Variants in GPC6 observed in about 807,000 individuals in gnomAD.
The protein encoded by GPC6 is glypican 6, also known as glypican-6.
GPC6 carries 14 observed loss-of-function variants against 55.2 expected under a neutral mutation model. The observed-to-expected ratio is 0.25, with a 90% CI of 0.17 to 0.40. The LOEUF is 0.40. Ranked by LOEUF, GPC6 falls within the 10% of genes least tolerant of loss-of-function variation. The pLI, the probability that GPC6 is intolerant of heterozygous loss-of-function variation, is 1.00. For synonymous variants in GPC6, 278 were observed against 259.6 expected, an observed-to-expected ratio of 1.07 and a Z score of -0.68; for missense variants, 641 against 708.5, an observed-to-expected ratio of 0.90 and a Z score of 1.08.
intron 4 of GPC6, among the ~76,000 whole-genome samples, chr13:94,212,736 C>T (rs1295741128): frequency 2.6e-5 from 4 of 152,188 alleles, no homozygotes; most frequent in Non-Finnish European, 5.9e-5. Flanking sequence ...TTTGAGGAAA[C>T]ATGTGCTGAT....
intron 4 of GPC6, among the ~76,000 whole-genome samples, chr13:94,274,940 T>C (rs1380935415): frequency 6.6e-6 from 1 of 152,196 alleles, no homozygotes; most frequent in Non-Finnish European, 1.5e-5. Context: ...GGGCCATTTA[T>C]CCTGTAGACC....
intron 4 of GPC6, among the ~76,000 whole-genome samples, chr13:94,067,717 T>C (rs1884579661): frequency 6.6e-6 from 1 of 152,068 alleles, no homozygotes; most frequent in African/African-American, 2.4e-5. Context: ...ATGAAGCAAA[T>C]AATATGTGTG....
chr13:93,258,887 C>T (rs1877042160), intron 1 of GPC6, among the ~76,000 whole-genome samples: 1 of 152,078 alleles, frequency 6.6e-6, no homozygotes, highest in Non-Finnish European at 1.5e-5. Flanking sequence ...AAGTTTGAGG[C>T]TTCAGGGAGC....
rs571687735 is a variant in GPC6, at chr13:93,269,204, G to A, written c.160+41588G>A. ...TTATTTTCAGAGTGATTATGTACTCGATGAAAAGTTTGGAGGCATGTCACA... is the reference window on the plus strand; with the variant it reads ...TTATTTTCAGAGTGATTATGTACTCAATGAAAAGTTTGGAGGCATGTCACA... On this transcript the variant is annotated intron_variant, in intron 1 of 8. Transcript: ENST00000377047. 8.5e-5 allele frequency among the ~76,000 whole-genome samples: 13 copies of A among 152,206 alleles called. 1 individual carries two copies. Among genetic ancestry groups the A allele is most frequent in the African/African-American group, 2.9e-4 (12 of 41,530 alleles).
At chr13:93,719,917 A>C (rs1274533390) in intron 2 of GPC6, among the ~76,000 whole-genome samples, 2 of 152,196 alleles carry the variant, frequency 1.3e-5, no homozygotes, top group South Asian at 4.1e-4. Flanking sequence ...CCAGCCTTGC[A>C]TCCCAGGGAT....
intron 3 of GPC6, among the ~76,000 whole-genome samples, chr13:93,888,397 G>C (rs557533628): frequency 6.6e-6 from 1 of 152,198 alleles, no homozygotes; most frequent in East Asian, 1.9e-4. Flanking sequence ...GATGCCTCTT[G>C]GCATATCTCT....
chr13:93,752,096 A>C (rs1485588066), intron 2 of GPC6, among the ~76,000 whole-genome samples: 1 of 152,146 alleles, frequency 6.6e-6, no homozygotes, highest in Non-Finnish European at 1.5e-5. Flanking sequence ...TCTGATTGTA[A>C]TGTTGTGATT....
chr13:93,656,117 A>G (rs1352832789), intron 2 of GPC6, among the ~76,000 whole-genome samples: 1 of 152,208 alleles, frequency 6.6e-6, no homozygotes, highest in Non-Finnish European at 1.5e-5. Flanking sequence ...TATAGCAAAC[A>G]GTAGGTTCAT....
chr13:93,366,034 A>T (rs1881235067), intron 1 of GPC6, among the ~76,000 whole-genome samples: 1 of 152,076 alleles, frequency 6.6e-6, no homozygotes, highest in Admixed American at 6.6e-5. Context: ...AAACAATCCA[A>T]GTAGTGGGGT....
intron 2 of GPC6, among the ~76,000 whole-genome samples, chr13:93,553,329 G>A (rs7337720): frequency 0.47 from 70,792 of 151,908 alleles, 17,268 homozygotes; most frequent in African/African-American, 0.6. Context: ...TGAGAAAAAT[G>A]ATTTCAGTGA....
At chr13:93,799,695 T>G (rs1886307635) in intron 2 of GPC6, among the ~76,000 whole-genome samples, 1 of 152,202 alleles carries the variant, frequency 6.6e-6, no homozygotes, top group South Asian at 2.1e-4. Context: ...ATGGTATAAA[T>G]GCCTATGATT....
At chr13:94,355,582 A>C (rs1419752785) in intron 6 of GPC6, among the ~76,000 whole-genome samples, 1 of 152,210 alleles carries the variant, frequency 6.6e-6, no homozygotes, top group Admixed American at 6.5e-5. Context: ...AAATGAAATG[A>C]TGAAATTGTA....
intron 4 of GPC6, among the ~76,000 whole-genome samples, chr13:94,034,233 GA>G (rs1474628710): frequency 2.0e-5 from 3 of 150,938 alleles, no homozygotes; most frequent in African/African-American, 7.3e-5. Context: ...AGGAAGGAAG[GA>G]AGGAAGGAAG....
intron 2 of GPC6, among the ~76,000 whole-genome samples, chr13:93,555,361 A>C (rs1019001402): frequency 6.6e-6 from 1 of 152,144 alleles, no homozygotes; most frequent in African/African-American, 2.4e-5. Flanking sequence ...TTATCTTCCT[A>C]TACCTGACTT....
intron 4 of GPC6, among the ~76,000 whole-genome samples, chr13:94,265,499 C>T (rs1056270318): frequency 2.0e-5 from 3 of 152,136 alleles, no homozygotes; most frequent in East Asian, 3.9e-4. Flanking sequence ...AAGGGTGGAT[C>T]GGCCTTTCCC....
intron 2 of GPC6, among the ~76,000 whole-genome samples, chr13:93,705,399 C>T (rs368542425): frequency 6.6e-5 from 10 of 151,954 alleles, no homozygotes; most frequent in African/African-American, 2.4e-4. Flanking sequence ...GTTGAACTTA[C>T]AATTTAAAAT....
intron 2 of GPC6, among the ~76,000 whole-genome samples, chr13:93,820,874 G>T (rs961751576): frequency 2.0e-5 from 3 of 151,934 alleles, no homozygotes; most frequent in Non-Finnish European, 2.9e-5. Context: ...TTTAGCTACC[G>T]TGCAAAGGAA....
intron 1 of GPC6, among the ~76,000 whole-genome samples, chr13:93,274,268 A>G (rs550151509): frequency 1.6e-4 from 25 of 152,284 alleles, no homozygotes; most frequent in African/African-American, 5.5e-4. Context: ...TGGAGTCCCT[A>G]AGGTATTCAT....
At chr13:94,291,821 G>A (rs1423618326) in intron 5 of GPC6, among the ~76,000 whole-genome samples, 2 of 151,572 alleles carry the variant, frequency 1.3e-5, no homozygotes, top group African/African-American at 4.8e-5. Flanking sequence ...GTTAACTTCT[G>A]AGAGGCAAGC....
Sources: gnomAD v4.1 joint callset for allele counts (sites outside exome capture counted in the v4.1 genomes callset) on GRCh38, gnomAD v4.1.1 for gene constraint, MANE v1.5 for transcripts, NCBI Gene and HGNC (gene_info 2026-07-23, HGNC 2026-07-21) for gene names.